The following FMO5 variants were observed in gnomAD, a reference collection of about 807,000 sequenced individuals.
The protein encoded by FMO5 is flavin containing dimethylaniline monoxygenase 5, also known as flavin-containing monooxygenase 5.
A neutral mutation model predicts 43.6 loss-of-function variants in FMO5; 51 were observed. That is an observed-to-expected ratio of 1.17 (90% CI 0.93 to 1.48). The LOEUF is 1.48. Among genes scored for constraint, FMO5 ranks in the 40% most tolerant of loss-of-function variants. The pLI is 0.00. For synonymous variants in FMO5, 187 were observed against 216.5 expected, an observed-to-expected ratio of 0.86 and a Z score of 1.20; for missense variants, 644 against 643.0, an observed-to-expected ratio of 1.00 and a Z score of -0.02.
chr1:147,189,957 A>C (rs1553918078), intron 8 of FMO5, among the ~76,000 whole-genome samples: 1 of 152,164 alleles, frequency 6.6e-6, no homozygotes, highest in East Asian at 1.9e-4. Flanking sequence ...CATTAAACAT[A>C]TGATTTTAGA....
chr1:147,191,212 T>C (rs1388893004), intron 7 of FMO5, among the ~76,000 whole-genome samples: 1 of 152,098 alleles, frequency 6.6e-6, no homozygotes, highest in Admixed American at 6.5e-5. Context: ...AATGGGATGG[T>C]TGGGTCAAAT....
At chr1:147,212,709 GC>G (rs1484424341) in intron 4 of FMO5, among the ~76,000 whole-genome samples, 174 bp from the exon 5 acceptor site, 5 of 151,818 alleles carry the variant, frequency 3.3e-5, no homozygotes, top group African/African-American at 1.2e-4. Context: ...TTTTCCCATA[GC>G]CTCAGAGTAG....
intron 3 of FMO5, chr1:147,214,723 A>C (rs1661691078): frequency 6.6e-6 from 1 of 151,968 alleles, no homozygotes; most frequent in African/African-American, 2.4e-5. Context: ...CAACGTATAG[A>C]TCTCTAGCAT....
intron 6 of FMO5, 58 bp from the exon 7 acceptor site, chr1:147,201,562 A>C: frequency 3.6e-6 from 5 of 1,396,934 alleles, no homozygotes; most frequent in Non-Finnish European, 5.0e-6. Context: ...TCAGTACCAC[A>C]TAAGTAAAAT....
intron 7 of FMO5, among the ~76,000 whole-genome samples, chr1:147,194,218 T>C (rs1316082098): frequency 6.6e-6 from 1 of 152,196 alleles, no homozygotes; most frequent in East Asian, 1.9e-4. Context: ...ATATTTAGGA[T>C]AGTTAGGTCT....
In FMO5 at chr1:147,213,404, C is replaced by T; in HGVS notation, c.391G>A (p.Glu131Lys). The change falls in exon 4 of 9, where the codon GAA becomes AAA. Residue 131 changes from glutamate (E) to lysine (K), a missense_variant. By Grantham distance (56) the Glu-to-Lys change is moderately conservative (BLOSUM62 1). Coordinates refer to ENST00000254090, the MANE Select transcript of FMO5 (RefSeq NM_001461.4). ...TTCATCTCCTTTTTCCCTTCAGATTCAGTGACCACTTCCCATTGGCCTGAA... is the reference window on the plus strand; with the variant it reads ...TTCATCTCCTTTTTCCCTTCAGATTTAGTGACCACTTCCCATTGGCCTGAA... Reference protein sequence around the residue: ...ATSGQWEVVTESEGKKEMNVF... With the variant: ...ATSGQWEVVTKSEGKKEMNVF... The T allele has an allele frequency of 6.2e-7, 1 of 1,613,716 alleles. No individual in the cohort carries two copies.
chr1:147,208,991 G>A lies in FMO5; in HGVS notation c.691C>T (p.Pro231Ser), dbSNP rs1660598061. 1 of 1,613,884 alleles carries A rather than the reference G, an allele frequency of 6.2e-7. No individual in the cohort carries two copies. Among genetic ancestry groups the A allele is most frequent in the African/African-American group, 1.3e-5 (1 of 74,868 alleles). ...ILNRVGDYGY[P>S]ADVLFSSRLT... ...CGAGAAGAGAACAACACATCAGCAG[G>A]ATATCCGTAGTCCCCTACACGATTC... Residue 231 changes from proline (P) to serine (S), a missense_variant, in exon 6 of 9, where the codon CCT becomes TCT. Physicochemically the swap from Pro to Ser is moderately conservative, Grantham distance 74. Coordinates refer to ENST00000254090, the MANE Select transcript of FMO5 (RefSeq NM_001461.4).
At chr1:147,216,418 A>AAATT (rs58383820) in intron 2 of FMO5, among the ~76,000 whole-genome samples, 1 of 152,212 alleles carries the variant, frequency 6.6e-6, no homozygotes, top group Non-Finnish European at 1.5e-5. Context: ...ACTGAGTAAT[A>AAATT]GTCTTTTAAA....
intron 2 of FMO5, among the ~76,000 whole-genome samples, chr1:147,217,883 T>C (rs2102021836): frequency 6.6e-6 from 1 of 152,324 alleles, no homozygotes; most frequent in East Asian, 1.9e-4. Flanking sequence ...AACTAGATTG[T>C]AAGCCCCTTG....
At chr1:147,218,168 A>G (rs1045115482) in intron 2 of FMO5, among the ~76,000 whole-genome samples, 10 of 152,242 alleles carry the variant, frequency 6.6e-5, no homozygotes, top group Non-Finnish European at 1.3e-4. Flanking sequence ...TTAAATAGCA[A>G]TTAATTAGTA....
chr1:147,222,774 T>C (rs1553926574), intron 2 of FMO5, among the ~76,000 whole-genome samples: 1 of 152,202 alleles, frequency 6.6e-6, no homozygotes, highest in East Asian at 1.9e-4. Context: ...GTTAAGTCTT[T>C]AGCAGAGAAT....
chr1:147,196,986 C>T (rs782703969), intron 7 of FMO5, among the ~76,000 whole-genome samples: 23 of 152,158 alleles, frequency 1.5e-4, no homozygotes, highest in Non-Finnish European at 3.4e-4. Context: ...CCATTTCACT[C>T]CTCTCTAACA....
At chr1:147,218,465 T>C (rs1026089335) in intron 2 of FMO5, among the ~76,000 whole-genome samples, 1 of 152,000 alleles carries the variant, frequency 6.6e-6, no homozygotes. Context: ...CTCGATCTCC[T>C]GACCTCGTGA....
Position 147,190,623 on chromosome 1 carries a change from G to A in FMO5, c.1184-374C>T, listed in dbSNP as rs28381216. ...GGAGTGGGAAAACACAGCTGCACCT[G>A]TATTCTTGATAACAAAGGGACCTTA... On this transcript the variant is annotated intron_variant, in intron 7 of 8. Transcript: ENST00000254090. Among the ~76,000 whole-genome samples, 1,194 of 152,180 alleles carry A rather than the reference G, an allele frequency of 7.8e-3. 23 individuals carry two copies. The highest frequency in any genetic ancestry group is 0.028 in the African/African-American group (1,148 of 41,488).
At chr1:147,191,830 G>T (rs1656893554) in intron 7 of FMO5, among the ~76,000 whole-genome samples, 1 of 152,158 alleles carries the variant, frequency 6.6e-6, no homozygotes, top group African/African-American at 2.4e-5. Flanking sequence ...TAGACATGCG[G>T]CATTATTTCT....
downstream of FMO5, chr1:147,184,580 T>C (rs1553916689): frequency 1.9e-6 from 3 of 1,548,828 alleles, no homozygotes. This position sits in a 1 kb window ranked among gnomAD's most constrained non-coding sequence, Gnocchi z 4.4. Flanking sequence ...GTCAGGTATT[T>C]GTAGAATATT....
At chr1:147,204,942 GCAGGAAGCCGTT>G in intron 6 of FMO5, 1 of 1,526,428 alleles carries the variant, frequency 6.6e-7, no homozygotes, top group Non-Finnish European at 9.1e-7. Context: ...TGGCCAGCCT[GCAGGAAGCCGTT>G]CACGTGACCG....
chr1:147,203,458 G>A, intron 6 of FMO5: 1 of 832,230 alleles, frequency 1.2e-6, no homozygotes, highest in South Asian at 1.3e-5. Flanking sequence ...GTCCGTTACA[G>A]CAGGGACTAC....
rs186769772 is a variant in FMO5, at chr1:147,194,864, T to C, written c.1184-4615A>G. ...ACTCTCTTCTGGCTTGTAGAGTTAC[T>C]GCCGAGAGATCTGCTGTTAGTCTGA... On this transcript the variant is annotated intron_variant, in intron 7 of 8. Transcript: ENST00000254090. 6.0e-3 allele frequency among the ~76,000 whole-genome samples: 907 copies of C among 152,258 alleles called. 4 individuals carry two copies. Among genetic ancestry groups the C allele is most frequent in the Middle Eastern group, 0.01 (3 of 294 alleles).
Sources: allele counts gnomAD v4.1 joint callset (sites outside exome capture counted in the v4.1 genomes callset), GRCh38; gene constraint gnomAD v4.1.1; non-coding constraint Gnocchi (gnomAD v3.1); transcripts MANE v1.5; gene names NCBI Gene and HGNC (gene_info 2026-07-23, HGNC 2026-07-21).